SNTG2: variants seen among roughly 807,000 people sequenced by gnomAD.
SNTG2 encodes the protein gamma-2-syntrophin.
A neutral mutation model predicts 70.9 loss-of-function variants in SNTG2; 74 were observed. The observed-to-expected ratio is 1.04, with a 90% CI of 0.86 to 1.27. The LOEUF (loss-of-function observed/expected upper bound fraction) is 1.27, where lower values mean the gene tolerates loss of function less well. SNTG2 is among the 50% of genes most tolerant of loss of function. SNTG2 has a pLI of 0.00. For synonymous variants in SNTG2, 278 were observed against 273.8 expected, an observed-to-expected ratio of 1.02 and a Z score of -0.15; for missense variants, 717 against 690.7, an observed-to-expected ratio of 1.04 and a Z score of -0.43.
At chr2:1,042,791 T>A (rs1661513303) in intron 1 of SNTG2, among the ~76,000 whole-genome samples, 1 of 152,208 alleles carries the variant, frequency 6.6e-6, no homozygotes, top group Admixed American at 6.5e-5. Flanking sequence ...CTGGGTTAAT[T>A]TCATGTCTTT....
intron 14 of SNTG2, among the ~76,000 whole-genome samples, chr2:1,268,406 G>T (rs1024359322): frequency 6.6e-6 from 1 of 152,110 alleles, no homozygotes; most frequent in South Asian, 2.1e-4. Context: ...ATGTATCCAG[G>T]CTCCTTGGCA....
chr2:1,208,303 T>C (rs554879579), intron 8 of SNTG2, among the ~76,000 whole-genome samples: 5 of 75,972 alleles, frequency 6.6e-5, no homozygotes, highest in African/African-American at 1.9e-4. Flanking sequence ...GTGAGGCACA[T>C]CTGTGTGAGG....
intron 2 of SNTG2, among the ~76,000 whole-genome samples, chr2:1,087,624 A>G (rs1358085373): frequency 6.6e-6 from 1 of 152,240 alleles, no homozygotes; most frequent in Non-Finnish European, 1.5e-5. Context: ...GATTGAGCGC[A>G]TAAGTAAATA....
chr2:1,349,157 G>T lies in SNTG2; in HGVS notation c.1489-18186G>T, dbSNP rs577160347. 5.9e-5 allele frequency among the ~76,000 whole-genome samples: 9 copies of T among 152,352 alleles called. 1 individual carries two copies. The highest frequency in any genetic ancestry group is 4.6e-4 in the Admixed American group (7 of 15,306). On this transcript the variant is annotated intron_variant, in intron 16 of 16. Transcript: ENST00000308624. ...CTGGGTTGGGGATGAAACCACAGGG[G>T]TGATAGGGATGTCCAAACTGTCTTT... is the stretch of plus-strand genomic sequence containing the variant.
intron 1 of SNTG2, among the ~76,000 whole-genome samples, chr2:952,453 T>C (rs184869503): frequency 4.2e-4 from 64 of 152,366 alleles, no homozygotes; most frequent in African/African-American, 1.4e-3. Flanking sequence ...TGATGAGTTA[T>C]TGGCAATAAC....
chr2:1,310,624 C>T (rs1468352939), intron 15 of SNTG2, among the ~76,000 whole-genome samples: 1 of 152,106 alleles, frequency 6.6e-6, no homozygotes, highest in South Asian at 2.1e-4. Context: ...CCTTCATTTC[C>T]CCGGTGAGTT....
Position 1,128,523 on chromosome 2 carries a change from C to T in SNTG2, c.326-9099C>T, listed in dbSNP as rs377550937. Among the ~76,000 whole-genome samples the T allele has an allele frequency of 4.6e-4, 70 of 152,170 alleles. 1 individual carries two copies. In the South Asian group the frequency reaches 0.013, roughly 29 times the overall value. On this transcript the variant is annotated intron_variant, in intron 4 of 16. Transcript: ENST00000308624. ...TTCATAACTTTCATTATTTCTCTTTCGTTTAAGTGATGCCTCCATCAACAC... is the reference window on the plus strand; with the variant it reads ...TTCATAACTTTCATTATTTCTCTTTTGTTTAAGTGATGCCTCCATCAACAC...
chr2:1,154,167 G>A (rs922535316), intron 6 of SNTG2, among the ~76,000 whole-genome samples: 1 of 152,136 alleles, frequency 6.6e-6, no homozygotes, highest in African/African-American at 2.4e-5. Flanking sequence ...GCGCGGGCGG[G>A]GAGAGGCGGG....
intron 16 of SNTG2, among the ~76,000 whole-genome samples, chr2:1,352,024 C>T (rs1300267922): frequency 1.3e-5 from 2 of 152,150 alleles, no homozygotes; most frequent in Non-Finnish European, 2.9e-5. Context: ...AGGTCCCTGG[C>T]CCTGCAGAGT....
In SNTG2 at chr2:1,267,547, G is replaced by C. The variant is rs756213124; in HGVS notation, c.1260G>C (p.Thr420=). 6.2e-7 allele frequency: 1 copy of C among 1,613,038 alleles called. No homozygotes were observed. Among genetic ancestry groups the C allele is most frequent in the Non-Finnish European group, 8.5e-7 (1 of 1,179,880 alleles). ...GGGAGAAGTCCTTCCAAAGAGCCAC[G>C]TTCATGGAAGTTCAGAGAACCGGGG... ...AMWEKSFQRA[T]FMEVQRTGSR... Residue 420 remains threonine, a synonymous_variant, in exon 14 of 17, where the codon ACG becomes ACC. Transcript: ENST00000308624.
intron 11 of SNTG2, among the ~76,000 whole-genome samples, chr2:1,244,521 C>A (rs1345693251): frequency 1.3e-5 from 2 of 151,832 alleles, no homozygotes; most frequent in African/African-American, 4.8e-5. Flanking sequence ...ACGGTGAAAC[C>A]CTGTCTCTAC....
intron 8 of SNTG2, among the ~76,000 whole-genome samples, chr2:1,185,057 G>T (rs933566992): frequency 6.6e-6 from 1 of 152,172 alleles, no homozygotes; most frequent in African/African-American, 2.4e-5. Flanking sequence ...CATTCCAAAT[G>T]GGAGAATTCA....
chr2:1,340,098 T>C (rs1660010412), intron 16 of SNTG2, among the ~76,000 whole-genome samples: 1 of 152,254 alleles, frequency 6.6e-6, no homozygotes, highest in African/African-American at 2.4e-5. Flanking sequence ...ATTTTCTGTA[T>C]GTTCCCAAGG....
intron 1 of SNTG2, among the ~76,000 whole-genome samples, chr2:999,524 A>G (rs778021222): frequency 1.3e-5 from 2 of 152,078 alleles, no homozygotes; most frequent in African/African-American, 2.4e-5. Context: ...GGCTTTAAAT[A>G]TACAACCATA....
chr2:1,307,547 G>A (rs1680755286), intron 14 of SNTG2, among the ~76,000 whole-genome samples: 1 of 152,020 alleles, frequency 6.6e-6, no homozygotes, highest in Non-Finnish European at 1.5e-5. Context: ...GTGTTTGGAT[G>A]TCACAGGGTG....
chr2:994,346 C>T (rs1476775142), intron 1 of SNTG2, among the ~76,000 whole-genome samples: 1 of 152,032 alleles, frequency 6.6e-6, no homozygotes, highest in Non-Finnish European at 1.5e-5. Flanking sequence ...GATACTCATT[C>T]CCATTCCATT....
intron 14 of SNTG2, among the ~76,000 whole-genome samples, chr2:1,294,993 C>T (rs1020766751): frequency 2.0e-5 from 3 of 152,216 alleles, no homozygotes; most frequent in African/African-American, 7.2e-5. Context: ...AGGCGTTTGA[C>T]GCAGGCTGTC....
At chr2:1,153,575 T>G (rs991507828) in intron 6 of SNTG2, among the ~76,000 whole-genome samples, 1 of 152,224 alleles carries the variant, frequency 6.6e-6, no homozygotes, top group African/African-American at 2.4e-5. Context: ...AGGGAAAGCC[T>G]CACGGAAAAG....
chr2:1,109,231 A>C (rs1347685256), intron 4 of SNTG2, among the ~76,000 whole-genome samples: 1 of 151,900 alleles, frequency 6.6e-6, no homozygotes, highest in African/African-American at 2.4e-5. Context: ...GCTCTCGGTG[A>C]TCACCCAGTT....
Sources: allele counts gnomAD v4.1 joint callset (sites outside exome capture counted in the v4.1 genomes callset), GRCh38; gene constraint gnomAD v4.1.1; transcripts MANE v1.5; gene names NCBI Gene and HGNC (gene_info 2026-07-23, HGNC 2026-07-21).